The following PCDH15 variants were observed in gnomAD, a reference collection of about 807,000 sequenced individuals.
PCDH15 encodes protocadherin related 15, also known as protocadherin-15.
PCDH15 carries 129 observed loss-of-function variants against 178.5 expected under a neutral mutation model. The observed-to-expected ratio is 0.72, with a 90% confidence interval of 0.63 to 0.84. The LOEUF is 0.84. Ranked by LOEUF, PCDH15 falls within the 40% of genes least tolerant of loss-of-function variation. The probability of loss-of-function intolerance (pLI) is 0.00; values close to 1 mark genes in which losing one functional copy is unlikely to be tolerated. For synonymous variants in PCDH15, 800 were observed against 732.0 expected, an observed-to-expected ratio of 1.09 and a Z score of -1.50; for missense variants, 2,230 against 2,099.9, an observed-to-expected ratio of 1.06 and a Z score of -1.21.
intron 6 of PCDH15, among the ~76,000 whole-genome samples, chr10:54,334,514 G>A (rs1013584349): frequency 2.0e-5 from 3 of 152,030 alleles, no homozygotes; most frequent in Admixed American, 6.6e-5. Context: ...TGGAATATGG[G>A]GTTATTAGCA....
chr10:55,204,892 A>G (rs1420687569), intron 1 of PCDH15, among the ~76,000 whole-genome samples: 1 of 152,122 alleles, frequency 6.6e-6, no homozygotes, highest in African/African-American at 2.4e-5. Context: ...TCTGAGACCC[A>G]CACAGTTATA....
chr10:53,915,501 A>G (rs928453570), intron 25 of PCDH15, among the ~76,000 whole-genome samples: 15 of 152,190 alleles, frequency 9.9e-5, no homozygotes, highest in African/African-American at 3.1e-4. Flanking sequence ...TGTTTGGCTG[A>G]TAGGTTAATA....
chr10:55,412,993 G>A (rs1838381333), intron 2 of PCDH15, among the ~76,000 whole-genome samples: 2 of 151,378 alleles, frequency 1.3e-5, no homozygotes, highest in East Asian at 3.9e-4. Flanking sequence ...TGAAGCTGCA[G>A]GAGATTCATA....
At chr10:54,231,721 T>A (rs1044906722) in intron 9 of PCDH15, among the ~76,000 whole-genome samples, 3 of 152,196 alleles carry the variant, frequency 2.0e-5, no homozygotes, top group African/African-American at 7.2e-5. Context: ...ACCCCCTGCA[T>A]CAGTGTGGCC....
At chr10:54,614,747 G>A (rs1015091479) in intron 2 of PCDH15, among the ~76,000 whole-genome samples, 6 of 151,862 alleles carry the variant, frequency 4.0e-5, no homozygotes, top group African/African-American at 7.2e-5. Context: ...AAGAGTCAAA[G>A]TTCCACTTGC....
chr10:53,878,488 A>AC (rs1353190570), intron 26 of PCDH15, among the ~76,000 whole-genome samples: 2 of 141,646 alleles, frequency 1.4e-5, no homozygotes, highest in Non-Finnish European at 3.0e-5. Context: ...ATATATATAA[A>AC]TATATAATAT....
chr10:55,626,977 G>A (rs1837542321), intron 2 of PCDH15, among the ~76,000 whole-genome samples: 2 of 152,128 alleles, frequency 1.3e-5, no homozygotes, highest in Admixed American at 1.3e-4. Flanking sequence ...AAAGAAGGAA[G>A]GAGAGAAGGA....
intron 2 of PCDH15, among the ~76,000 whole-genome samples, chr10:55,052,433 C>A (rs939449654): frequency 7.0e-6 from 1 of 143,382 alleles, no homozygotes; most frequent in Non-Finnish European, 1.5e-5. Flanking sequence ...GGTGTGGTGG[C>A]TTATGCCTGT....
intron 2 of PCDH15, among the ~76,000 whole-genome samples, chr10:54,602,553 G>T (rs1256826795): frequency 6.6e-6 from 1 of 151,944 alleles, no homozygotes; most frequent in Non-Finnish European, 1.5e-5. Flanking sequence ...GATTTTAGAG[G>T]AGAGGCTTTT....
At chr10:55,189,867 A>G (rs1839897317) in intron 1 of PCDH15, among the ~76,000 whole-genome samples, 2 of 151,832 alleles carry the variant, frequency 1.3e-5, no homozygotes, top group Admixed American at 1.3e-4. Flanking sequence ...GGTATTCACT[A>G]GAGCTAAGCA....
intron 2 of PCDH15, among the ~76,000 whole-genome samples, chr10:55,142,646 A>G (rs1284711260): frequency 1.0e-5 from 1 of 96,358 alleles, no homozygotes; most frequent in Non-Finnish European, 2.4e-5. Context: ...TCCTATGTAG[A>G]TATATCTCTA....
chr10:55,289,278 T>C (rs1242867789), intron 1 of PCDH15, among the ~76,000 whole-genome samples: 1 of 152,028 alleles, frequency 6.6e-6, no homozygotes, highest in Non-Finnish European at 1.5e-5. Context: ...CATACCATTT[T>C]ATGTTTATGA....
At chr10:54,132,655 G>A (rs978180476) in intron 15 of PCDH15, among the ~76,000 whole-genome samples, 2 of 152,144 alleles carry the variant, frequency 1.3e-5, no homozygotes, top group African/African-American at 2.4e-5. Flanking sequence ...CCTGCCAAAC[G>A]TTAGTTCTTC....
chr10:53,872,143 A>G (rs956797381), intron 26 of PCDH15, among the ~76,000 whole-genome samples: 1 of 151,916 alleles, frequency 6.6e-6, no homozygotes, highest in Admixed American at 6.6e-5. Context: ...CTCTCAGTCT[A>G]CCCCTTCTAC....
At chr10:54,292,059 G>A (rs973857378) in intron 8 of PCDH15, among the ~76,000 whole-genome samples, 6 of 152,138 alleles carry the variant, frequency 3.9e-5, no homozygotes, top group Admixed American at 1.3e-4. Flanking sequence ...GAACATTGAT[G>A]CAAAAATCCT....
At chr10:55,564,343 T>C (rs966010314) in intron 2 of PCDH15, among the ~76,000 whole-genome samples, 12 of 151,606 alleles carry the variant, frequency 7.9e-5, no homozygotes, top group Admixed American at 4.0e-4. Flanking sequence ...TTTTAGAGTG[T>C]TGGCGGTTAA....
chr10:53,995,355 G>A, intron 21 of PCDH15: 2 of 434,466 alleles, frequency 4.6e-6, no homozygotes, highest in Admixed American at 3.7e-5. Flanking sequence ...CAGATTAAGT[G>A]AAGCTTACAA....
intron 2 of PCDH15, among the ~76,000 whole-genome samples, chr10:54,914,316 T>TGCTCTCTCTTTTTCCTGCTC (rs1954866982): frequency 6.6e-6 from 1 of 152,150 alleles, no homozygotes; most frequent in African/African-American, 2.4e-5. Flanking sequence ...CCTTCCTGTT[T>TGCTCTCTCTTTTTCCTGCTC]GCTCTCTCTT....
intron 13 of PCDH15, among the ~76,000 whole-genome samples, chr10:54,164,059 A>C (rs1020737482): frequency 1.3e-5 from 2 of 152,192 alleles, no homozygotes; most frequent in Admixed American, 1.3e-4. Context: ...GCTTTATTAA[A>C]GAAAAGTGAC....
Sources: allele counts gnomAD v4.1 joint callset (sites outside exome capture counted in the v4.1 genomes callset), GRCh38; gene constraint gnomAD v4.1.1; transcripts MANE v1.5; gene names NCBI Gene and HGNC (gene_info 2026-07-23, HGNC 2026-07-21).